CEP63: variants seen among roughly 807,000 people sequenced by gnomAD.
CEP63 encodes the protein centrosomal protein 63.
A neutral mutation model predicts 89.1 loss-of-function variants in CEP63; 84 were observed. That is an observed-to-expected ratio of 0.94 (90% CI 0.79 to 1.13). The LOEUF (loss-of-function observed/expected upper bound fraction) is 1.13. CEP63 is among the 50% of genes most tolerant of loss of function. The pLI is 0.00. For synonymous variants in CEP63, 267 were observed against 272.5 expected (o/e 0.98, Z 0.20); for missense variants, 838 against 813.3 (o/e 1.03, Z -0.37).
intron 6 of CEP63, among the ~76,000 whole-genome samples, chr3:134,541,082 G>A (rs1376312899): frequency 6.6e-6 from 1 of 152,100 alleles, no homozygotes; most frequent in African/African-American, 2.4e-5. Context: ...GCACCTGGCC[G>A]GATGTTTATA....
intron 3 of CEP63, among the ~76,000 whole-genome samples, chr3:134,517,461 C>A (rs1207082941): frequency 1.3e-5 from 2 of 152,150 alleles, no homozygotes; most frequent in Non-Finnish European, 2.9e-5. Context: ...ACAGCATGAT[C>A]AGCGAACTTG....
chr3:134,599,074 T>G, the CEP63 span, among the ~76,000 whole-genome samples: 1 of 152,330 alleles, frequency 6.6e-6, no homozygotes, highest in African/African-American at 2.4e-5. Context: ...AGCAGGGCCC[T>G]TCAGATGTTC....
chr3:134,721,318 G>A, the CEP63 span, among the ~76,000 whole-genome samples: 2 of 152,016 alleles, frequency 1.3e-5, no homozygotes, highest in African/African-American at 4.8e-5. Context: ...GTAATATATT[G>A]ACCTTGTATT....
chr3:134,761,403 G>A, the CEP63 span, among the ~76,000 whole-genome samples: 1 of 152,248 alleles, frequency 6.6e-6, no homozygotes. Flanking sequence ...CCAGGAGAAA[G>A]GCATGCGTGG....
the CEP63 span, among the ~76,000 whole-genome samples, chr3:134,689,700 C>A: frequency 6.6e-6 from 1 of 152,102 alleles, no homozygotes; most frequent in Non-Finnish European, 1.5e-5. Flanking sequence ...GTGATCCACC[C>A]ACCTCAGCCT....
intron 11 of CEP63, among the ~76,000 whole-genome samples, chr3:134,550,635 A>G (rs1286892359): frequency 6.6e-6 from 1 of 152,194 alleles, no homozygotes; most frequent in Non-Finnish European, 1.5e-5. Flanking sequence ...AGAGAGTAGA[A>G]ACACGCTTGC....
At chr3:134,491,938 A>G (rs1264556706) in intron 1 of CEP63, among the ~76,000 whole-genome samples, 1 of 152,162 alleles carries the variant, frequency 6.6e-6, no homozygotes, top group Non-Finnish European at 1.5e-5. Flanking sequence ...GGTCTTGGGC[A>G]TATACTATGA....
intron 3 of CEP63, among the ~76,000 whole-genome samples, chr3:134,517,119 T>C (rs1355054106): frequency 6.6e-6 from 1 of 152,192 alleles, no homozygotes; most frequent in African/African-American, 2.4e-5. Flanking sequence ...ATGCTTAATA[T>C]GCTCAATAGC....
chr3:134,586,371 C>G lies in CEP63; in HGVS notation c.1207-1087C>G, dbSNP rs546729222. On this transcript the variant is annotated intron_variant, in intron 10 of 10. Coordinates refer to the CEP63 transcript ENST00000683931. ...ATGTTTAGTGCTTCCTTCAGGAGCT[C>G]TTGTAAGGCAGGCCTGGTGGTGACA... Among the ~76,000 whole-genome samples the G allele has an allele frequency of 2.0e-4, 27 of 138,026 alleles. No homozygotes were observed. In the South Asian group the frequency reaches 6.7e-3, roughly 34 times the overall value. The allele number at this position is 138,026 out of a possible 152,430, so 90.6% of individuals were successfully genotyped here.
At chr3:134,585,381 T>C (rs971908183) in intron 10 of CEP63, among the ~76,000 whole-genome samples, 9 of 152,196 alleles carry the variant, frequency 5.9e-5, no homozygotes, top group African/African-American at 1.7e-4. Flanking sequence ...GATTCTGGTA[T>C]GTTGTGTCTT....
chr3:134,520,837 A>G (rs538022492), intron 3 of CEP63, among the ~76,000 whole-genome samples: 9 of 152,300 alleles, frequency 5.9e-5, no homozygotes, highest in African/African-American at 2.2e-4. Context: ...GGAAAAAGAA[A>G]GATTTTGACT....
intron 8 of CEP63, 63 bp downstream of exon 8, chr3:134,546,351 CTTATTT>C (rs71139539): frequency 1.2e-5 from 17 of 1,396,968 alleles, no homozygotes; most frequent in African/African-American, 7.3e-5. Context: ...AAGCACTAGG[CTTATTT>C]TTATTTTTAT....
At chr3:134,608,384 A>C in the CEP63 span, 1 of 1,418,920 alleles carries the variant, frequency 7.0e-7, no homozygotes, top group Non-Finnish European at 9.3e-7. Context: ...TGCAGCCTTC[A>C]GACACATCCC....
chr3:134,765,957 C>T, the CEP63 span, among the ~76,000 whole-genome samples: 6 of 152,124 alleles, frequency 3.9e-5, no homozygotes, highest in Non-Finnish European at 7.4e-5. Flanking sequence ...ACACAGGGAG[C>T]GTTGTTTCTT....
At chr3:134,486,028 G>A, upstream of CEP63, 2 of 953,556 alleles carry the variant, frequency 2.1e-6, no homozygotes, top group East Asian at 1.2e-4. Flanking sequence ...GTCTGCACTC[G>A]CTTTCCTCGG....
rs9809619 is a variant in CEP63, at chr3:134,562,106, G to C, written c.*571G>C. 2.0e-5 allele frequency: 20 copies of C among 989,482 alleles called. No homozygotes were observed. Among genetic ancestry groups the C allele is most frequent in the Non-Finnish European group, 2.3e-5 (19 of 832,676 alleles). The allele number at this position is 989,482 out of a possible 1,614,324, so 61.3% of individuals were successfully genotyped here. ...GAACCTTATCAAGCAGTCCTCTCTT[G>C]CTCAACACTCATGCAGAGGAGAGAG... On this transcript the variant is annotated 3_prime_UTR_variant, in exon 15 of 15. Transcript: ENST00000675561.
At chr3:134,697,281 C>CT in the CEP63 span, among the ~76,000 whole-genome samples, 54 of 151,804 alleles carry the variant, frequency 3.6e-4, no homozygotes, top group Admixed American at 7.9e-4. Context: ...TAAAGAAGAA[C>CT]TTTTTTTTTG....
chr3:134,782,349 C>T, the CEP63 span, among the ~76,000 whole-genome samples: 1 of 152,092 alleles, frequency 6.6e-6, no homozygotes. Context: ...ATTACTGATT[C>T]AAATTCTTTT....
chr3:134,740,582 C>G, the CEP63 span, among the ~76,000 whole-genome samples: 1 of 152,108 alleles, frequency 6.6e-6, no homozygotes, highest in Non-Finnish European at 1.5e-5. Flanking sequence ...CAGGCGTGAG[C>G]CACCGTGCCC....
Sources: allele counts gnomAD v4.1 joint callset (sites outside exome capture counted in the v4.1 genomes callset), GRCh38; gene constraint gnomAD v4.1.1; transcripts MANE v1.5; gene names NCBI Gene and HGNC (gene_info 2026-07-23, HGNC 2026-07-21).